CHRND: variants seen among roughly 807,000 people sequenced by gnomAD.
The protein encoded by CHRND is cholinergic receptor nicotinic delta subunit, also known as acetylcholine receptor subunit delta.
Under a neutral mutation model 57.8 loss-of-function variants are expected in CHRND, and 40 were observed. That is an observed-to-expected ratio of 0.69 (90% CI 0.54 to 0.90). The LOEUF (loss-of-function observed/expected upper bound fraction) is 0.90, where lower values mean the gene tolerates loss of function less well. Ranked by LOEUF, CHRND falls within the 40% of genes least tolerant of loss-of-function variation. The pLI is 0.00. For missense variants in CHRND, 634 were observed against 673.9 expected (o/e 0.94, Z 0.66); for synonymous variants, 237 against 270.6 (o/e 0.88, Z 1.22).
rs755085400 is a variant in CHRND at position 232,528,628 on chromosome 2, G to A, written c.481G>A (p.Asp161Asn). 7 of 1,613,854 alleles carry A rather than the reference G, an allele frequency of 4.3e-6. No individual in the cohort carries two copies. Among genetic ancestry groups the A allele is most frequent in the African/African-American group, 1.3e-5 (1 of 74,926 alleles). Residue 161 changes from aspartate to asparagine, a missense_variant, in exon 5 of 12, where the codon GAC (aspartate) becomes AAC (asparagine). Asp to Asn is a conservative substitution (Grantham distance 23). Coordinates refer to ENST00000258385, the MANE Select transcript of CHRND (RefSeq NM_000751.3). ...CPISVTYFPF[D>N]WQNCSLKFSS... ...CATCTCTGTCACCTATTTCCCCTTCGACTGGCAGAACTGCTCCCTCAAGTT... is the reference window on the plus strand; with the variant it reads ...CATCTCTGTCACCTATTTCCCCTTCAACTGGCAGAACTGCTCCCTCAAGTT...
At position 232,534,243 on chromosome 2, in the gene CHRND, T is replaced by G; in HGVS notation, c.1272T>G (p.Ser424=). 1 of 1,614,196 alleles carries G rather than the reference T, an allele frequency of 6.2e-7. No individual in the cohort carries two copies. Among genetic ancestry groups the G allele is most frequent in the Non-Finnish European group, 8.5e-7 (1 of 1,180,028 alleles). The stretch of plus-strand genomic sequence containing the variant: ...CTGTAGGCCGGCCCCCAGCAAGCTC[T>G]GAGCAGGCCCAGCAGGAACTCTTCA... The part of the protein sequence containing the change: ...LTTARRPPAS[S]EQAQQELFNE... Residue 424 remains serine (S), a synonymous_variant, in exon 11 of 12, where the codon TCT becomes TCG. Transcript: ENST00000258385.
Sources: allele counts gnomAD v4.1 joint callset, GRCh38; gene constraint gnomAD v4.1.1; transcripts MANE v1.5; gene names NCBI Gene and HGNC (gene_info 2026-07-23, HGNC 2026-07-21).